Variants in POLQ observed in about 807,000 individuals in gnomAD.
POLQ encodes DNA polymerase theta, also known as epididymis secretory sperm binding protein.
POLQ carries 233 observed loss-of-function variants against 259.2 expected under a neutral mutation model. The ratio of observed to expected loss-of-function variants is 0.90; its 90% confidence interval spans 0.81 to 1.00. POLQ has a LOEUF of 1.00. Among genes scored for constraint, POLQ ranks in the 50% least tolerant of loss-of-function variants. POLQ has a pLI of 0.00. For synonymous variants in POLQ, 1,025 were observed against 1,048.8 expected (o/e 0.98, Z 0.44); for missense variants, 2,871 against 3,051.6 (o/e 0.94, Z 1.39).
chr3:121,433,344 C>G (rs1454147351), intron 28 of POLQ, among the ~76,000 whole-genome samples: 1 of 152,096 alleles, frequency 6.6e-6, no homozygotes, highest in Non-Finnish European at 1.5e-5. Context: ...CCATGGAGTC[C>G]CCCAACCACC....
At chr3:121,496,784 T>C (rs1441539487) in intron 14 of POLQ, 24 bp downstream of exon 14, 1 of 1,591,616 alleles carries the variant, frequency 6.3e-7, no homozygotes, top group East Asian at 2.2e-5. Context: ...ATTAAATAAA[T>C]GTGAAACCCT....
chr3:121,478,557 C>A (rs2047944929), intron 19 of POLQ, among the ~76,000 whole-genome samples: 1 of 86,224 alleles, frequency 1.2e-5, no homozygotes. Context: ...TCAAGAATCA[C>A]AATAAATTGG....
chr3:121,493,445 C>A, intron 15 of POLQ, 33 bp downstream of exon 15: 2 of 1,514,120 alleles, frequency 1.3e-6, no homozygotes, highest in South Asian at 1.3e-5. Context: ...TTTTTTATTT[C>A]ATAAGCCCAT....
chr3:121,509,219 C>T (rs1463665555), intron 12 of POLQ, among the ~76,000 whole-genome samples: 2 of 152,132 alleles, frequency 1.3e-5, no homozygotes, highest in South Asian at 4.1e-4. Flanking sequence ...TGTTTGTGTA[C>T]TGACCTTTGC....
intron 25 of POLQ, among the ~76,000 whole-genome samples, chr3:121,458,684 G>A (rs565784583): frequency 2.6e-5 from 4 of 152,328 alleles, no homozygotes; most frequent in Admixed American, 2.6e-4. Context: ...TTTTTAAATA[G>A]TGGAAGAAAC....
chr3:121,532,495 T>A (rs946178468), intron 6 of POLQ, among the ~76,000 whole-genome samples: 1 of 152,146 alleles, frequency 6.6e-6, no homozygotes, highest in Non-Finnish European at 1.5e-5. Flanking sequence ...TCTCTCACCA[T>A]CACCGCTAAT....
intron 19 of POLQ, among the ~76,000 whole-genome samples, chr3:121,480,576 C>T (rs1044507470): frequency 2.6e-5 from 4 of 151,948 alleles, no homozygotes; most frequent in African/African-American, 9.7e-5. Flanking sequence ...CCACCTTAGA[C>T]TCCTGAGTAG....
rs2048532080 is a variant in POLQ at position 121,545,981 on chromosome 3, T to C, written c.-104A>G. On this transcript the variant is annotated 5_prime_UTR_variant, in exon 1 of 30. Transcript: ENST00000264233. ...GCTGCGGACATCTTCCCGCCAGTCT[T>C]CAAACTCAAACCTCCCGGCCCGCCC... The C allele has an allele frequency of 7.3e-7, 1 of 1,376,892 alleles. No homozygotes were observed. Among genetic ancestry groups the C allele is most frequent in the Non-Finnish European group, 1.0e-6 (1 of 988,848 alleles). The allele number at this position is 1,376,892 out of a possible 1,614,324, so 85.3% of individuals were successfully genotyped here.
intron 6 of POLQ, 86 bp from the exon 7 acceptor site, chr3:121,529,878 G>A: frequency 2.0e-6 from 2 of 1,013,872 alleles, no homozygotes; most frequent in South Asian, 1.8e-5. Flanking sequence ...TCCTTTCTGG[G>A]GAAGCTTTTT....
In POLQ at chr3:121,472,116, A is replaced by G. The variant is rs1428813874; in HGVS notation, c.6592T>C (p.Leu2198=). 6.4e-7 allele frequency: 1 copy of G among 1,569,006 alleles called. No individual in the cohort carries two copies. The highest frequency in any genetic ancestry group is 8.7e-7 in the Non-Finnish European group (1 of 1,145,346). Residue 2198 remains leucine (L), a synonymous_variant, in exon 22 of 30, where the codon TTA becomes CTA. Transcript: ENST00000264233. ...KALHPLPGLI[L]EWRRITNAIT... is the part of the protein sequence containing the mutation. ...GCATTAGTGATTCTTCTCCATTCTAATATCAAGCCTGGTAAAGGATGTAAT... is the reference window on the plus strand; with the variant it reads ...GCATTAGTGATTCTTCTCCATTCTAGTATCAAGCCTGGTAAAGGATGTAAT...
chr3:121,463,631 C>T (rs1560090477), intron 24 of POLQ, among the ~76,000 whole-genome samples: 3 of 152,066 alleles, frequency 2.0e-5, no homozygotes, highest in Non-Finnish European at 1.5e-5. Flanking sequence ...AAACACCATT[C>T]TTAGCTTACA....
chr3:121,472,290 T>C (rs1044441176), intron 21 of POLQ, 126 bp from the exon 22 acceptor site: 7 of 461,592 alleles, frequency 1.5e-5, no homozygotes, highest in Non-Finnish European at 2.7e-5. Flanking sequence ...CTCAAAACTA[T>C]TACTTGGAGT....
chr3:121,489,506 T>C lies in POLQ; in HGVS notation c.3425A>G (p.Gln1142Arg). Residue 1142 changes from glutamine (Q) to arginine (R), a missense_variant, in exon 16 of 30, where the codon CAG (glutamine) becomes CGG (arginine). Physicochemically the swap from Gln to Arg is conservative, Grantham distance 43 (BLOSUM62 1). Transcript: ENST00000264233. ...NFVEHIVTGS[Q>R]SKNVTCQATS... ...GGCCTGACAAGTCACATTTTTACTC[T>C]GAGATCCTGTGACAATATGCTCCAC... The C allele has an allele frequency of 1.9e-6, 3 of 1,613,616 alleles. No individual in the cohort carries two copies. The highest frequency in any genetic ancestry group is 2.5e-6 in the Non-Finnish European group (3 of 1,179,558).
chr3:121,489,286 C>T lies in POLQ; in HGVS notation c.3645G>A (p.Glu1215=), dbSNP rs1198230787. ...TGACTGCTTCACAGGGCATTTGTCTCTCTATTATATTTTTCTGTTTGGTAA... is the reference window on the plus strand; with the variant it reads ...TGACTGCTTCACAGGGCATTTGTCTTTCTATTATATTTTTCTGTTTGGTAA... ...STITKQKNII[E]RQMPCEAVSS... The change falls in exon 16 of 30, where the codon GAG becomes GAA. Residue 1215 remains glutamate (E), a synonymous_variant. Transcript: ENST00000264233. The T allele has an allele frequency of 2.5e-6, 4 of 1,613,646 alleles. No homozygotes were observed. In the African/African-American group the frequency reaches 5.3e-5, roughly 22 times the overall value.
chr3:121,434,282 C>G (rs926523047), intron 28 of POLQ, among the ~76,000 whole-genome samples: 1 of 152,208 alleles, frequency 6.6e-6, no homozygotes, highest in African/African-American at 2.4e-5. Flanking sequence ...ATGAAGCCAT[C>G]CTCAGCGACA....
chr3:121,482,866 T>C (rs2047981629), intron 18 of POLQ, among the ~76,000 whole-genome samples: 1 of 152,228 alleles, frequency 6.6e-6, no homozygotes, highest in Admixed American at 6.5e-5. Flanking sequence ...AGTTAACATG[T>C]TTCTTAACTG....
chr3:121,440,731 T>C (rs2047584785), intron 26 of POLQ, among the ~76,000 whole-genome samples: 1 of 152,186 alleles, frequency 6.6e-6, no homozygotes, highest in Non-Finnish European at 1.5e-5. Flanking sequence ...ATCTTAAGAC[T>C]ATTCCACATC....
chr3:121,525,111 G>A (rs2048363570), intron 7 of POLQ, among the ~76,000 whole-genome samples: 1 of 152,098 alleles, frequency 6.6e-6, no homozygotes, highest in Non-Finnish European at 1.5e-5. Flanking sequence ...GGAGTCCAAG[G>A]CGAGTGGATC....
intron 28 of POLQ, among the ~76,000 whole-genome samples, chr3:121,433,827 A>T (rs1223280433): frequency 2.6e-5 from 4 of 152,086 alleles, no homozygotes; most frequent in Admixed American, 2.6e-4. Flanking sequence ...TGTTGTCCAA[A>T]TTCCCTACTT....
Sources: allele counts gnomAD v4.1 joint callset (sites outside exome capture counted in the v4.1 genomes callset), GRCh38; gene constraint gnomAD v4.1.1; transcripts MANE v1.5; gene names NCBI Gene and HGNC (gene_info 2026-07-23, HGNC 2026-07-21).